MATN4: variants seen among roughly 807,000 people sequenced by gnomAD.
MATN4 encodes the protein matrilin-4.
A neutral mutation model predicts 54.6 loss-of-function variants in MATN4; 40 were observed. The observed-to-expected ratio is 0.73, with a 90% confidence interval of 0.57 to 0.95. The LOEUF is 0.95. Ranked by LOEUF, MATN4 falls within the 40% of genes least tolerant of loss-of-function variation. The pLI is 0.00. For missense variants in MATN4, 810 were observed against 819.1 expected, an observed-to-expected ratio of 0.99 and a Z score of 0.13; for synonymous variants, 351 against 345.3, an observed-to-expected ratio of 1.02 and a Z score of -0.18.
Position 45,298,559 on chromosome 20 carries a change from A to G in MATN4, c.1037T>C (p.Leu346Pro). 6.3e-7 allele frequency: 1 copy of G among 1,576,906 alleles called. No homozygotes were observed. Among genetic ancestry groups the G allele is most frequent in the Non-Finnish European group, 8.6e-7 (1 of 1,156,382 alleles). ...CNRCREGHVD[L>P]VLLVDGSKSV... ...CTTGGAGCCATCAACCAGCAGAACA[A>G]GGTCCACGTGGCCTTCCCGGCACCC... Residue 346 changes from leucine (L) to proline (P), a missense_variant, in exon 7 of 10, where the codon CTT becomes CCT. Transcript: ENST00000372756. The surrounding 1 kb of genome is among the most constrained non-coding windows in gnomAD (Gnocchi z 4.6).
chr20:45,300,355 C>G (rs1485204528), intron 6 of MATN4, among the ~76,000 whole-genome samples: 1 of 152,106 alleles, frequency 6.6e-6, no homozygotes. Flanking sequence ...GAAGCTAGAT[C>G]GTGATGACCT....
Position 45,304,606 on chromosome 20 carries a change from G to T in MATN4, c.265C>A (p.Arg89Ser). ...ATGTCCTCGCGGCGAGAGAACGCGCGGAGAGGGAAGACGCTCTGCACTTGA... is the reference window on the plus strand; with the variant it reads ...ATGTCCTCGCGGCGAGAGAACGCGCTGAGAGGGAAGACGCTCTGCACTTGA... ...SSQVQSVFPL[R>S]AFSRREDMER... is the part of the protein sequence containing the mutation. The change falls in exon 3 of 10, where the codon CGC becomes AGC. Residue 89 changes from arginine (R) to serine (S), a missense_variant. Coordinates refer to ENST00000372756, the MANE Select transcript of MATN4 (RefSeq NM_001393530.1). The T allele has an allele frequency of 1.2e-6, 2 of 1,600,712 alleles. 1 individual carries two copies. Among genetic ancestry groups the T allele is most frequent in the Middle Eastern group, 3.3e-4 (2 of 6,032 alleles).
In MATN4 at chr20:45,298,586, G is replaced by A. The variant is rs753499550; in HGVS notation, c.1013-3C>T. On this transcript the variant is annotated splice_region_variant and splice_polypyrimidine_tract_variant and intron_variant, in intron 6 of 9. Transcript: ENST00000372756. The surrounding 1 kb of genome is among the most constrained non-coding windows in gnomAD (Gnocchi z 4.6). ...GTCCACGTGGCCTTCCCGGCACCCT[G>A]CACAGCCAGAAAAGCTTGAATTGAG... The A allele has an allele frequency of 2.6e-6, 4 of 1,530,870 alleles. No homozygotes were observed. Among genetic ancestry groups the A allele is most frequent in the East Asian group, 2.3e-5 (1 of 43,748 alleles). 94.8% of individuals were successfully genotyped at this position (1,530,870 alleles called of 1,614,324 possible).
chr20:45,293,999 T>G lies in MATN4; in HGVS notation c.1596A>C (p.Ala532=). Residue 532 remains alanine (A), a synonymous_variant, in exon 9 of 10, where the codon GCA becomes GCC. Transcript: ENST00000372756. The part of the protein sequence containing the change: ...GSICPEEGIS[A]GTELRSPCEC... ...CGCATGGGCTCCGAAGCTCTGTCCC[T>G]GCGCTGATGCCCTCCTCTGCAAGCC... 1 of 1,602,058 alleles carries G rather than the reference T, an allele frequency of 6.2e-7. No individual in the cohort carries two copies.
chr20:45,301,530 C>T (rs901789316), intron 3 of MATN4, 87 bp from the exon 4 acceptor site: 14 of 1,413,586 alleles, frequency 9.9e-6, no homozygotes, highest in East Asian at 2.4e-5. Flanking sequence ...TTAAAGAATA[C>T]CTACGCCTGG....
chr20:45,302,529 G>C (rs1203255636), intron 3 of MATN4, among the ~76,000 whole-genome samples: 1 of 152,194 alleles, frequency 6.6e-6, no homozygotes, highest in African/African-American at 2.4e-5. Context: ...CCAGCACTTT[G>C]AGAGGCCAAG....
intron 3 of MATN4, among the ~76,000 whole-genome samples, chr20:45,302,843 G>A (rs892817354): frequency 6.6e-6 from 1 of 152,192 alleles, no homozygotes; most frequent in African/African-American, 2.4e-5. Context: ...AGCGCTTTGG[G>A]AGGCCAAGGC....
In MATN4 at chr20:45,306,345, C is replaced by T. The variant is rs2233084; in HGVS notation, c.-34-729G>A. 7.7e-3 allele frequency among the ~76,000 whole-genome samples: 1,170 copies of T among 152,288 alleles called. 6 individuals carry two copies. Among genetic ancestry groups the T allele is most frequent in the African/African-American group, 0.026 (1,081 of 41,552 alleles). ...CCAAAGTCATTCGGCCAAAAAGTGG[C>T]TGCGGCAGGATACAATCCCACGCCT... On this transcript the variant is annotated intron_variant, in intron 1 of 9. Coordinates refer to ENST00000372756, the MANE Select transcript of MATN4 (RefSeq NM_001393530.1).
Position 45,305,496 on chromosome 20 carries a change from G to A in MATN4, c.73+14C>T, listed in dbSNP as rs1274534084. 6.5e-7 allele frequency: 1 copy of A among 1,549,880 alleles called. No individual in the cohort carries two copies. The highest frequency in any genetic ancestry group is 2.0e-5 in the Admixed American group (1 of 51,046). On this transcript the variant is annotated intron_variant, in intron 2 of 9. Transcript: ENST00000372756. ...TCCCCTCCTCCCACTGGTGAGGGCT[G>A]GGCCCCAGTTCACCTGTCAACTGGA...
Position 45,305,549 on chromosome 20 carries a change from G to C in MATN4, c.34C>G (p.Leu12Val), listed in dbSNP as rs1986557798. The C allele has an allele frequency of 1.9e-6, 3 of 1,559,674 alleles. No homozygotes were observed. Among genetic ancestry groups the C allele is most frequent in the Non-Finnish European group, 2.6e-6 (3 of 1,151,770 alleles). The change falls in exon 2 of 10, where the codon CTC (leucine) becomes GTC (valine). Residue 12 changes from leucine to valine, a missense_variant. Leu to Val is a conservative substitution (Grantham distance 32). Transcript: ENST00000372756. ...RGLLCWPVLLLLLQPWETQLQ... is the reference protein window; with the variant it reads ...RGLLCWPVLLVLLQPWETQLQ... The stretch of plus-strand genomic sequence containing the variant: ...TGGGTTTCCCAGGGCTGAAGAAGGA[G>C]CAGCAACACGGGCCAGCAAAGAAGG...
intron 3 of MATN4, among the ~76,000 whole-genome samples, 165 bp downstream of exon 3, chr20:45,304,063 A>G (rs1600700386): frequency 6.6e-6 from 1 of 152,328 alleles, no homozygotes; most frequent in South Asian, 2.1e-4. Context: ...GAGGCTGAGC[A>G]GAAGTGGTCA....
intron 6 of MATN4, 137 bp downstream of exon 6, chr20:45,300,750 C>G: frequency 2.0e-6 from 2 of 1,019,634 alleles, no homozygotes; most frequent in African/African-American, 1.6e-5. Context: ...AATGGCACAC[C>G]CTCCAATGTC....
rs765250510 is a variant in MATN4, at chr20:45,301,138, C to A, written c.853G>T (p.Gly285Cys). 3 of 1,614,226 alleles carry A rather than the reference C, an allele frequency of 1.9e-6. No homozygotes were observed. The highest frequency in any genetic ancestry group is 3.3e-5 in the Admixed American group (2 of 60,034). Residue 285 changes from glycine (G) to cysteine (C), a missense_variant, in exon 5 of 10, where the codon GGC becomes TGC. Coordinates refer to ENST00000372756, the MANE Select transcript of MATN4 (RefSeq NM_001393530.1). ...CTCCCATCAGGCTGCAAGTCATGGC[C>A]CTCTCTGCAGTGGCACCGTGGCCCA... The part of the protein sequence containing the change: ...PGGPRCHCRE[G>C]HDLQPDGRSC...
rs1291205490 is a variant in MATN4, at chr20:45,304,570, T to C, written c.301A>G (p.Ile101Val). 1.3e-6 allele frequency: 2 copies of C among 1,597,812 alleles called. No individual in the cohort carries two copies. Among genetic ancestry groups the C allele is most frequent in the African/African-American group, 2.7e-5 (2 of 74,754 alleles). The change falls in exon 3 of 10, where the codon ATC becomes GTC. Residue 101 changes from isoleucine (I) to valine (V), a missense_variant. By Grantham distance (29) the Ile-to-Val change is conservative. Transcript: ENST00000372756. ...TGCGCCAGAGGCACCAGGTCGCGGA[T>C]GGCGCGCTCCATGTCCTCGCGGCGA... ...FSRREDMERA[I>V]RDLVPLAQGT...
At chr20:45,299,431 A>C (rs992758547) in intron 6 of MATN4, among the ~76,000 whole-genome samples, 3 of 152,182 alleles carry the variant, frequency 2.0e-5, no homozygotes, top group Non-Finnish European at 4.4e-5. Context: ...ATGGCCTTCT[A>C]TCTGATCTTT....
chr20:45,308,329 A>G, upstream of MATN4: 2 of 971,730 alleles, frequency 2.1e-6, no homozygotes, highest in Non-Finnish European at 3.3e-6. Context: ...GCCGCATTTA[A>G]CCCAGGGCTG....
chr20:45,293,550 C>G lies in MATN4; in HGVS notation c.*217G>C, dbSNP rs1276148551. ...AGGGCGTGCCGGTCTAGCACGTGCC[C>G]CTTCCCTCACCACCCGCTATCCCCC... is the stretch of plus-strand genomic sequence containing the variant. On this transcript the variant is annotated 3_prime_UTR_variant, in exon 10 of 10. Coordinates refer to ENST00000372756, the MANE Select transcript of MATN4 (RefSeq NM_001393530.1). The G allele has an allele frequency of 1.9e-6, 1 of 530,220 alleles. No homozygotes were observed. The highest frequency in any genetic ancestry group is 3.3e-6 in the Non-Finnish European group (1 of 303,858). The allele number at this position is 530,220 out of a possible 1,614,324, so 32.8% of individuals were successfully genotyped here. A position where few individuals can be genotyped will look rare whatever the true frequency, so the allele number is the denominator to read the frequency against.
chr20:45,307,049 G>A (rs1986768726), intron 1 of MATN4: 1 of 658,466 alleles, frequency 1.5e-6, no homozygotes. Flanking sequence ...TAAGCCCCAA[G>A]GAGGCAGCCC....
rs918268552 is a variant in MATN4, at chr20:45,304,605, C to T, written c.266G>A (p.Arg89His). 1.9e-6 allele frequency: 3 copies of T among 1,600,584 alleles called. No individual in the cohort carries two copies. The highest frequency in any genetic ancestry group is 3.3e-5 in the Admixed American group (2 of 59,770). ...CATGTCCTCGCGGCGAGAGAACGCGCGGAGAGGGAAGACGCTCTGCACTTG... is the reference window on the plus strand; with the variant it reads ...CATGTCCTCGCGGCGAGAGAACGCGTGGAGAGGGAAGACGCTCTGCACTTG... ...SSQVQSVFPL[R>H]AFSRREDMER... Residue 89 changes from arginine to histidine, a missense_variant, in exon 3 of 10, where the codon CGC becomes CAC. By Grantham distance (29) the Arg-to-His change is conservative (BLOSUM62 0). Coordinates refer to ENST00000372756, the MANE Select transcript of MATN4 (RefSeq NM_001393530.1).
Sources: allele counts gnomAD v4.1 joint callset (sites outside exome capture counted in the v4.1 genomes callset), GRCh38; gene constraint gnomAD v4.1.1; non-coding constraint Gnocchi (gnomAD v3.1); transcripts MANE v1.5; gene names NCBI Gene and HGNC (gene_info 2026-07-23, HGNC 2026-07-21).